SORCS2: variants seen among roughly 807,000 people sequenced by gnomAD.
The protein encoded by SORCS2 is sortilin related VPS10 domain containing receptor 2, also known as VPS10 domain-containing receptor SorCS2.
A neutral mutation model predicts 141.6 loss-of-function variants in SORCS2; 100 were observed. The ratio of observed to expected loss-of-function variants is 0.71; its 90% CI spans 0.60 to 0.83. The LOEUF (loss-of-function observed/expected upper bound fraction) is 0.83, where lower values mean the gene tolerates loss of function less well. SORCS2 is among the 40% of genes least tolerant of loss of function. The pLI, the probability that SORCS2 is intolerant of heterozygous loss-of-function variation, is 0.00. For synonymous variants in SORCS2, 789 were observed against 676.9 expected (o/e 1.17, Z -2.57); for missense variants, 1,646 against 1,560.2 (o/e 1.05, Z -0.93).
At chr4:7,517,044 G>C (rs1395382321) in intron 2 of SORCS2, among the ~76,000 whole-genome samples, 1 of 152,210 alleles carries the variant, frequency 6.6e-6, no homozygotes, top group Non-Finnish European at 1.5e-5. Flanking sequence ...AGCATACCCA[G>C]CGCTTGGAAG....
intron 11 of SORCS2, among the ~76,000 whole-genome samples, chr4:7,694,585 G>A (rs1326083391): frequency 2.0e-5 from 3 of 152,180 alleles, no homozygotes; most frequent in African/African-American, 7.2e-5. Flanking sequence ...GCCCGGCTCC[G>A]CCTGTGATGC....
chr4:7,736,786 C>G (rs1436061795), intron 25 of SORCS2, among the ~76,000 whole-genome samples: 2 of 152,134 alleles, frequency 1.3e-5, no homozygotes. Flanking sequence ...GCCCACGCTT[C>G]GATTCTCAGG....
chr4:7,387,944 A>G (rs28754742), intron 1 of SORCS2, among the ~76,000 whole-genome samples: 1 of 144,452 alleles, frequency 6.9e-6, no homozygotes, highest in Non-Finnish European at 1.5e-5. Context: ...ACCGATACAC[A>G]TACACACATG....
At chr4:7,677,811 G>T (rs1016837275) in intron 9 of SORCS2, among the ~76,000 whole-genome samples, 1 of 152,178 alleles carries the variant, frequency 6.6e-6, no homozygotes, top group Non-Finnish European at 1.5e-5. Flanking sequence ...ACTGCCAAAA[G>T]CCCCCTGCAG....
At chr4:7,222,426 G>C (rs567999204) in intron 1 of SORCS2, among the ~76,000 whole-genome samples, 2 of 152,352 alleles carry the variant, frequency 1.3e-5, no homozygotes, top group South Asian at 4.1e-4. Flanking sequence ...GGAATGTCTA[G>C]AATAGAGACA....
In SORCS2 at chr4:7,193,743, C is replaced by A. The variant is rs1727004289; in HGVS notation, c.480+617C>A. Among the ~76,000 whole-genome samples the A allele has an allele frequency of 6.6e-6, 1 of 152,198 alleles. No individual in the cohort carries two copies. Among genetic ancestry groups the A allele is most frequent in the South Asian group, 2.1e-4 (1 of 4,828 alleles). On this transcript the variant is annotated intron_variant, in intron 1 of 26. Coordinates refer to ENST00000507866, the MANE Select transcript of SORCS2 (RefSeq NM_020777.3). The surrounding 1 kb of genome is among the most constrained non-coding windows in gnomAD (Gnocchi z 4.8). The stretch of plus-strand genomic sequence containing the variant: ...GCCTGGATGCACTGGGACCCGCGTA[C>A]CCCCTTGGGTTCATACCCACACTGT...
rs578213527 is a variant in SORCS2 at position 7,302,960 on chromosome 4, G to A, written c.481-93328G>A. The stretch of plus-strand genomic sequence containing the variant: ...GGTTTGTGTGCCCCTAGCTGCGTGG[G>A]GGCCGCAGCCAAGCGGCGATTTCAC... On this transcript the variant is annotated intron_variant, in intron 1 of 26. Coordinates refer to ENST00000507866, the MANE Select transcript of SORCS2 (RefSeq NM_020777.3). Among the ~76,000 whole-genome samples, 6 of 152,250 alleles carry A rather than the reference G, an allele frequency of 3.9e-5. No homozygotes were observed. The East Asian group carries it at 9.7e-4, about 25-fold the overall frequency.
chr4:7,387,724 A>T (rs1723511470), intron 1 of SORCS2, among the ~76,000 whole-genome samples: 2 of 150,854 alleles, frequency 1.3e-5, no homozygotes, highest in South Asian at 2.1e-4. Flanking sequence ...ATGCACACAC[A>T]TACACATTTG....
At chr4:7,406,353 C>A (rs1378797592) in intron 2 of SORCS2, among the ~76,000 whole-genome samples, 2 of 129,926 alleles carry the variant, frequency 1.5e-5, no homozygotes, top group African/African-American at 5.5e-5. Context: ...AGTGGTGAAA[C>A]CATTGGATCC....
intron 2 of SORCS2, among the ~76,000 whole-genome samples, chr4:7,436,988 G>A (rs557553165): frequency 2.6e-5 from 4 of 152,298 alleles, no homozygotes; most frequent in African/African-American, 9.6e-5. Context: ...GAGGAATTCT[G>A]ATTGCTCCAT....
chr4:7,292,906 A>T (rs1716705610), intron 1 of SORCS2, among the ~76,000 whole-genome samples: 1 of 152,252 alleles, frequency 6.6e-6, no homozygotes, highest in African/African-American at 2.4e-5. Flanking sequence ...TAGAAAATAC[A>T]GAAAAGCAGA....
Position 7,701,540 on chromosome 4 carries a change from G to T in SORCS2, c.1669-1740G>T, listed in dbSNP as rs543869797. On this transcript the variant is annotated intron_variant, in intron 12 of 26. Transcript: ENST00000507866. ...AGGTGGGCAGGGGCCCCTCCTTCGG[G>T]GCCCTGAGGCCGTGGTAGGATTTGG... 2.6e-5 allele frequency among the ~76,000 whole-genome samples: 4 copies of T among 152,292 alleles called. No homozygotes were observed. In the South Asian group the frequency reaches 6.2e-4, roughly 24 times the overall value.
intron 4 of SORCS2, among the ~76,000 whole-genome samples, chr4:7,643,643 G>A (rs2107175): frequency 0.8 from 121,201 of 152,144 alleles, 52,013 homozygotes; most frequent in East Asian, 1. Flanking sequence ...ACATCTTCAG[G>A]GCAATAAAGA....
intron 14 of SORCS2, among the ~76,000 whole-genome samples, chr4:7,707,350 G>T (rs557940462): frequency 5.3e-4 from 80 of 152,330 alleles, no homozygotes; most frequent in Admixed American, 1.2e-3. Flanking sequence ...AAGGAGGATG[G>T]AAGCTGGACG....
chr4:7,434,216 C>CGGCCA (rs748903716), intron 2 of SORCS2: 3 of 1,613,712 alleles, frequency 1.9e-6, no homozygotes, highest in South Asian at 2.2e-5. Context: ...TTGCAGAGGA[C>CGGCCA]GGCCAGGCCA....
At chr4:7,397,016 C>T (rs1297614884) in intron 2 of SORCS2, among the ~76,000 whole-genome samples, 1 of 152,232 alleles carries the variant, frequency 6.6e-6, no homozygotes. Context: ...CAAAGCTTTT[C>T]TCCTGCAAAA....
At chr4:7,503,286 T>G (rs1349939026) in intron 2 of SORCS2, among the ~76,000 whole-genome samples, 1 of 152,112 alleles carries the variant, frequency 6.6e-6, no homozygotes, top group African/African-American at 2.4e-5. Context: ...CTGGCCTAGT[T>G]AAAGAAAGTG....
At chr4:7,476,743 A>T (rs1310344927) in intron 2 of SORCS2, among the ~76,000 whole-genome samples, 2 of 152,124 alleles carry the variant, frequency 1.3e-5, no homozygotes, top group Non-Finnish European at 2.9e-5. Context: ...CTCTCTAAGC[A>T]GGGACATGGC....
chr4:7,296,484 G>T (rs575070246), intron 1 of SORCS2, among the ~76,000 whole-genome samples: 26 of 152,250 alleles, frequency 1.7e-4, no homozygotes, highest in African/African-American at 6.0e-4. Context: ...AGAGGGTTGG[G>T]GCCCTCTGCG....
Sources: allele counts gnomAD v4.1 joint callset (sites outside exome capture counted in the v4.1 genomes callset), GRCh38; gene constraint gnomAD v4.1.1; non-coding constraint Gnocchi (gnomAD v3.1); transcripts MANE v1.5; gene names NCBI Gene and HGNC (gene_info 2026-07-23, HGNC 2026-07-21).